Variants in TENM2 observed in about 807,000 individuals in gnomAD.
TENM2 encodes the protein teneurin transmembrane protein 2.
TENM2 carries 52 observed loss-of-function variants against 245.2 expected under a neutral mutation model. That is an observed-to-expected ratio of 0.21 (90% CI 0.17 to 0.27). The LOEUF (loss-of-function observed/expected upper bound fraction) is 0.27, where lower values mean the gene tolerates loss of function less well. Ranked by LOEUF, TENM2 falls within the 10% of genes least tolerant of loss-of-function variation. The pLI is 1.00. For synonymous variants in TENM2, 1,363 were observed against 1,438.9 expected (o/e 0.95, Z 1.19); for missense variants, 3,046 against 3,666.8 (o/e 0.83, Z 4.37).
chr5:167,405,507 G>C (rs1762580061), intron 2 of TENM2, among the ~76,000 whole-genome samples: 1 of 151,924 alleles, frequency 6.6e-6, no homozygotes, highest in Non-Finnish European at 1.5e-5. Flanking sequence ...CATAATATGA[G>C]CCTTCCCAAG....
intron 13 of TENM2, among the ~76,000 whole-genome samples, chr5:168,172,642 G>A (rs1204011415): frequency 1.3e-5 from 2 of 152,200 alleles, no homozygotes; most frequent in Non-Finnish European, 2.9e-5. Flanking sequence ...ATAAGTGCTT[G>A]AACAACCTCC....
chr5:167,616,564 A>G (rs1777798873), intron 2 of TENM2, among the ~76,000 whole-genome samples: 1 of 152,082 alleles, frequency 6.6e-6, no homozygotes, highest in Non-Finnish European at 1.5e-5. Context: ...AATTATGAGC[A>G]TGTATGCATT....
chr5:167,556,236 G>A (rs1773251311), intron 2 of TENM2, among the ~76,000 whole-genome samples: 1 of 152,024 alleles, frequency 6.6e-6, no homozygotes, highest in Non-Finnish European at 1.5e-5. Context: ...CAGACTGGAA[G>A]AAATGCAAAG....
At chr5:167,062,786 A>G in the TENM2 span, among the ~76,000 whole-genome samples, 1 of 152,190 alleles carries the variant, frequency 6.6e-6, no homozygotes, top group Non-Finnish European at 1.5e-5. Flanking sequence ...TGGTGGAGTG[A>G]CTATGGGGCT....
At chr5:167,208,418 T>C in the TENM2 span, among the ~76,000 whole-genome samples, 5 of 152,264 alleles carry the variant, frequency 3.3e-5, no homozygotes, top group Admixed American at 2.0e-4. Flanking sequence ...AGAAAGCAAT[T>C]GAATGGCCTC....
At chr5:167,240,644 C>T in the TENM2 span, among the ~76,000 whole-genome samples, 9 of 149,326 alleles carry the variant, frequency 6.0e-5, no homozygotes, top group East Asian at 1.2e-3. Context: ...CGTCTTTTCA[C>T]GTTTTGGTTT....
chr5:167,228,056 T>A, the TENM2 span, among the ~76,000 whole-genome samples: 1 of 152,180 alleles, frequency 6.6e-6, no homozygotes, highest in Non-Finnish European at 1.5e-5. Context: ...TTTGACTGAG[T>A]CTTGCTCTGT....
intron 2 of TENM2, among the ~76,000 whole-genome samples, chr5:167,607,862 G>C (rs1777169587): frequency 6.6e-6 from 1 of 152,160 alleles, no homozygotes; most frequent in Non-Finnish European, 1.5e-5. Flanking sequence ...GTGGAATACA[G>C]AATGAAGATA....
intron 2 of TENM2, among the ~76,000 whole-genome samples, chr5:167,508,306 C>T (rs72829394): frequency 0.015 from 2,256 of 152,270 alleles, 24 homozygotes; most frequent in Non-Finnish European, 0.025. Context: ...ATCCAGCTAT[C>T]TTGCTAGTAC....
At chr5:167,019,320 A>T in the TENM2 span, among the ~76,000 whole-genome samples, 118 of 152,256 alleles carry the variant, frequency 7.8e-4, no homozygotes, top group African/African-American at 2.8e-3. Context: ...TTGGCAAGCC[A>T]TTTGGTGTGG....
chr5:168,003,974 G>A (rs970138389), intron 5 of TENM2, among the ~76,000 whole-genome samples: 7 of 152,158 alleles, frequency 4.6e-5, no homozygotes, highest in South Asian at 4.1e-4. Flanking sequence ...TGATCTCCAC[G>A]TAATTCAGCT....
chr5:167,058,472 T>G, the TENM2 span, among the ~76,000 whole-genome samples: 1 of 152,204 alleles, frequency 6.6e-6, no homozygotes, highest in Non-Finnish European at 1.5e-5. Flanking sequence ...AAGTATACAA[T>G]TTTTGGCAAG....
chr5:167,755,484 A>G (rs1762252628), intron 2 of TENM2, among the ~76,000 whole-genome samples: 1 of 151,436 alleles, frequency 6.6e-6, no homozygotes, highest in Non-Finnish European at 1.5e-5. Flanking sequence ...GAAAATAAAT[A>G]TAAATATAAA....
intron 2 of TENM2, among the ~76,000 whole-genome samples, chr5:167,742,694 A>G (rs1412465695): frequency 6.6e-6 from 1 of 152,032 alleles, no homozygotes; most frequent in African/African-American, 2.4e-5. Context: ...TTAGAATATA[A>G]GATGCCTAAG....
At chr5:167,536,430 A>G (rs1352714560) in intron 2 of TENM2, among the ~76,000 whole-genome samples, 1 of 151,542 alleles carries the variant, frequency 6.6e-6, no homozygotes, top group Non-Finnish European at 1.5e-5. Flanking sequence ...TTTGTGAGCC[A>G]TAATCTCTCT....
At chr5:167,866,803 C>T (rs192289288) in intron 2 of TENM2, among the ~76,000 whole-genome samples, 12 of 152,292 alleles carry the variant, frequency 7.9e-5, no homozygotes, top group Admixed American at 5.9e-4. Flanking sequence ...AAAGGTAGAA[C>T]AATAGTCTAG....
At chr5:168,141,327 C>T (rs952949224) in intron 12 of TENM2, among the ~76,000 whole-genome samples, 1 of 152,186 alleles carries the variant, frequency 6.6e-6, no homozygotes, top group South Asian at 2.1e-4. Flanking sequence ...CATTCACATT[C>T]TCTGCATGCA....
chr5:167,755,697 T>C (rs886195698), intron 2 of TENM2, among the ~76,000 whole-genome samples: 3 of 152,160 alleles, frequency 2.0e-5, no homozygotes, highest in African/African-American at 4.8e-5. Context: ...ATTTTTAAAA[T>C]AGGCAAAAGG....
intron 5 of TENM2, among the ~76,000 whole-genome samples, chr5:168,027,082 A>G (rs1786688968): frequency 6.6e-6 from 1 of 151,616 alleles, no homozygotes; most frequent in South Asian, 2.1e-4. Context: ...TTGCATGTGC[A>G]CCTGTCAGGA....
Sources: gnomAD v4.1 joint callset for allele counts (sites outside exome capture counted in the v4.1 genomes callset) on GRCh38, gnomAD v4.1.1 for gene constraint, MANE v1.5 for transcripts, NCBI Gene and HGNC (gene_info 2026-07-23, HGNC 2026-07-21) for gene names.